Variants in TRIM24 observed in about 807,000 individuals in gnomAD.
TRIM24 encodes transcription intermediary factor 1-alpha.
In TRIM24, 29 loss-of-function variants were observed where a neutral mutation model predicts 123.9. The ratio of observed to expected loss-of-function variants is 0.23; its 90% CI spans 0.17 to 0.32. The LOEUF is 0.32. Among genes scored for constraint, TRIM24 ranks in the 10% least tolerant of loss-of-function variants. The pLI, the probability that TRIM24 is intolerant of heterozygous loss-of-function variation, is 1.00. For missense variants in TRIM24, 932 were observed against 1,295.3 expected, an observed-to-expected ratio of 0.72 and a Z score of 4.31; for synonymous variants, 456 against 461.1, an observed-to-expected ratio of 0.99 and a Z score of 0.14.
At chr7:138,516,329 C>A (rs1796395133) in intron 3 of TRIM24, among the ~76,000 whole-genome samples, 1 of 152,020 alleles carries the variant, frequency 6.6e-6, no homozygotes, top group South Asian at 2.1e-4. Context: ...ATAATAACTC[C>A]AATTTTCTTC....
intron 12 of TRIM24, among the ~76,000 whole-genome samples, chr7:138,575,924 C>T (rs1357602129): frequency 6.6e-6 from 1 of 152,134 alleles, no homozygotes; most frequent in Non-Finnish European, 1.5e-5. Flanking sequence ...CCTTTTCTAT[C>T]AGCCCGTACC....
intron 8 of TRIM24, among the ~76,000 whole-genome samples, chr7:138,553,862 A>G (rs1797261583): frequency 6.6e-6 from 1 of 152,124 alleles, no homozygotes; most frequent in African/African-American, 2.4e-5. Flanking sequence ...GGATAGGACC[A>G]TGTTTGAGAG....
At chr7:138,559,701 C>G (rs1224622563) in intron 9 of TRIM24, among the ~76,000 whole-genome samples, 1 of 152,100 alleles carries the variant, frequency 6.6e-6, no homozygotes, top group Non-Finnish European at 1.5e-5. Flanking sequence ...TGGTCTGGGT[C>G]CTGTTGGCTG....
At chr7:138,565,173 C>T (rs1268477517) in intron 9 of TRIM24, among the ~76,000 whole-genome samples, 1 of 152,098 alleles carries the variant, frequency 6.6e-6, no homozygotes, top group Non-Finnish European at 1.5e-5. Context: ...CTTTCACATG[C>T]ACTCACACAC....
chr7:138,483,104 C>T (rs560723103), intron 1 of TRIM24, among the ~76,000 whole-genome samples: 11 of 150,700 alleles, frequency 7.3e-5, no homozygotes, highest in South Asian at 2.1e-4. Context: ...ATTTTTGTAG[C>T]GGGGGGGGTC....
In TRIM24 at chr7:138,534,286, G is replaced by A. The variant is rs1335818349; in HGVS notation, c.997-4371G>A. On this transcript the variant is annotated intron_variant, in intron 6 of 18. Coordinates refer to ENST00000343526, the MANE Select transcript of TRIM24 (RefSeq NM_015905.3). The stretch of plus-strand genomic sequence containing the variant: ...GAATTTGTTTGCTCTTGCTTCTCTA[G>A]TTCTTTTAATTGTGATGTTAGGGTG... 3.3e-5 allele frequency among the ~76,000 whole-genome samples: 5 copies of A among 152,040 alleles called. No homozygotes were observed. The East Asian group carries it at 9.6e-4, about 29-fold the overall frequency.
At chr7:138,568,963 C>G (rs1797596933) in intron 10 of TRIM24, among the ~76,000 whole-genome samples, 1 of 152,104 alleles carries the variant, frequency 6.6e-6, no homozygotes. Flanking sequence ...TTTGCCTTTG[C>G]TATATCATCA....
At chr7:138,484,924 C>G (rs1021601939) in intron 1 of TRIM24, among the ~76,000 whole-genome samples, 2 of 151,774 alleles carry the variant, frequency 1.3e-5, no homozygotes, top group African/African-American at 4.8e-5. Flanking sequence ...TTCTTTTTTT[C>G]TAGGAATTTA....
chr7:138,556,736 G>T (rs79941776), intron 9 of TRIM24, among the ~76,000 whole-genome samples: 1 of 152,204 alleles, frequency 6.6e-6, no homozygotes, highest in Non-Finnish European at 1.5e-5. Context: ...CACAGAGCAG[G>T]CTTGCTTTCT....
At position 138,554,794 on chromosome 7, in the gene TRIM24, C is replaced by T. The variant is rs980828397; in HGVS notation, c.1358C>T (p.Ser453Leu). 2 of 1,614,212 alleles carry T rather than the reference C, an allele frequency of 1.2e-6. No homozygotes were observed. The highest frequency in any genetic ancestry group is 1.7e-6 in the Non-Finnish European group (2 of 1,180,014). Residue 453 changes from serine (S) to leucine (L), a missense_variant, in exon 9 of 19, where the codon TCA (serine) becomes TTA (leucine). Ser to Leu is a moderately radical substitution (Grantham distance 145). This residue lies in a region of TRIM24 where 527 missense variants were observed against 691.3 expected (regional missense o/e 0.76). Transcript: ENST00000343526. The surrounding 1 kb of genome is among the most constrained non-coding windows in gnomAD (Gnocchi z 4.5). ...TCACAGCCACCAAGTGGTTTATCATCAAACCAGTTATCCAAGTTCCCAACA... is the reference window on the plus strand; with the variant it reads ...TCACAGCCACCAAGTGGTTTATCATTAAACCAGTTATCCAAGTTCCCAACA... The part of the protein sequence containing the change: ...QNSQPPSGLS[S>L]NQLSKFPTQI...
At chr7:138,578,563 T>TGTGTGTGCGCGCGCGC (rs145011901) in intron 14 of TRIM24, among the ~76,000 whole-genome samples, 3 of 144,990 alleles carry the variant, frequency 2.1e-5, no homozygotes, top group African/African-American at 7.9e-5. Context: ...TGTGTGTGTG[T>TGTGTGTGCGCGCGCGC]GCGCGCACGC....
At chr7:138,538,198 C>G (rs1383820428) in intron 6 of TRIM24, among the ~76,000 whole-genome samples, 1 of 152,230 alleles carries the variant, frequency 6.6e-6, no homozygotes, top group African/African-American at 2.4e-5. Context: ...TACAACACAG[C>G]ATGACTCTGT....
At chr7:138,461,333 C>T (rs374564754) in intron 1 of TRIM24, 28 of 459,958 alleles carry the variant, frequency 6.1e-5, no homozygotes, top group Non-Finnish European at 1.2e-4. Context: ...CTCGTCTATA[C>T]TCACGTTATT....
chr7:138,531,818 G>C lies in TRIM24; in HGVS notation c.996+2588G>C, dbSNP rs190652819. Among the ~76,000 whole-genome samples, 1,260 of 152,312 alleles carry C rather than the reference G, an allele frequency of 8.3e-3. 17 individuals are homozygous for C. The highest frequency in any genetic ancestry group is 0.028 in the African/African-American group (1,156 of 41,572). On this transcript the variant is annotated intron_variant, in intron 6 of 18. Transcript: ENST00000343526. ...GCTGTCTTCCACAGTGGTTGAACTA[G>C]TTTACAGTCTCACCAACAGTGTAAA...
chr7:138,523,797 G>A (rs998118093), intron 4 of TRIM24, among the ~76,000 whole-genome samples: 1 of 150,136 alleles, frequency 6.7e-6, no homozygotes, highest in Admixed American at 6.7e-5. Context: ...AAACTTGTCT[G>A]GAGAATGGCA....
intron 14 of TRIM24, among the ~76,000 whole-genome samples, chr7:138,578,938 A>ATAT (rs1563067853): frequency 0.012 from 1,836 of 152,120 alleles, 31 homozygotes; most frequent in African/African-American, 0.042. Flanking sequence ...ATATATATAT[A>ATAT]GGTCATGTGG....
chr7:138,554,606 AT>A lies in TRIM24; in HGVS notation c.1262-88del. On this transcript the variant is annotated intron_variant, in intron 8 of 18. Transcript: ENST00000343526. This position sits in a 1 kb window ranked among gnomAD's most constrained non-coding sequence, Gnocchi z 4.5. ...CATGAGATCAGAGAATTTCTTGGCA[AT>A]TTTGAAGTTCTGCAAAAATAGCTTT... The A allele has an allele frequency of 7.1e-7, 1 of 1,403,148 alleles. No individual in the cohort carries two copies. Among genetic ancestry groups the A allele is most frequent in the Non-Finnish European group, 9.7e-7 (1 of 1,026,638 alleles). 86.9% of individuals were successfully genotyped at this position (1,403,148 alleles called of 1,614,324 possible).
intron 11 of TRIM24, among the ~76,000 whole-genome samples, 155 bp downstream of exon 11, chr7:138,571,158 C>G (rs770615547): frequency 6.6e-6 from 1 of 152,046 alleles, no homozygotes; most frequent in Admixed American, 6.6e-5. Context: ...GGTGAAACCC[C>G]GTCTCTACCA....
At chr7:138,563,790 T>C (rs1366373499) in intron 9 of TRIM24, among the ~76,000 whole-genome samples, 1 of 152,176 alleles carries the variant, frequency 6.6e-6, no homozygotes, top group Admixed American at 6.5e-5. Context: ...ACTTCTGAGA[T>C]ATTTCCTATA....
Sources: allele counts gnomAD v4.1 joint callset (sites outside exome capture counted in the v4.1 genomes callset), GRCh38; gene constraint gnomAD v4.1.1; regional missense constraint gnomAD v4.1.1; non-coding constraint Gnocchi (gnomAD v3.1); transcripts MANE v1.5; gene names NCBI Gene and HGNC (gene_info 2026-07-23, HGNC 2026-07-21).